The following RAB27B variants were observed in gnomAD, a reference collection of about 807,000 sequenced individuals.
RAB27B encodes ras-related protein Rab-27B.
Under a neutral mutation model 24.6 loss-of-function variants are expected in RAB27B, and 15 were observed. That is an observed-to-expected ratio of 0.61 (90% CI 0.41 to 0.94). RAB27B has a LOEUF of 0.94. Among genes scored for constraint, RAB27B ranks in the 40% least tolerant of loss-of-function variants. RAB27B has a pLI of 0.00. For missense variants in RAB27B, 261 were observed against 266.8 expected, an observed-to-expected ratio of 0.98 and a Z score of 0.15; for synonymous variants, 105 against 92.5, an observed-to-expected ratio of 1.14 and a Z score of -0.78.
intron 2 of RAB27B, among the ~76,000 whole-genome samples, chr18:54,743,289 C>G (rs1392883108): frequency 2.0e-5 from 3 of 152,156 alleles, no homozygotes; most frequent in Non-Finnish European, 4.4e-5. Flanking sequence ...TGGTGGTATT[C>G]TATTATTCAT....
rs912167744 is a variant in RAB27B, at chr18:54,725,484, G to A, written c.-20+7343G>A. On this transcript the variant is annotated intron_variant, in intron 2 of 4. Transcript: ENST00000586570. ...TAGGAGTTGTGTAAGTTCTTTAAAAGGTAATGTTTGTTGCCTGTATTAGTG... is the reference window on the plus strand; with the variant it reads ...TAGGAGTTGTGTAAGTTCTTTAAAAAGTAATGTTTGTTGCCTGTATTAGTG... Among the ~76,000 whole-genome samples, 3 of 151,452 alleles carry A rather than the reference G, an allele frequency of 2.0e-5. 1 individual carries two copies. The highest frequency in any genetic ancestry group is 7.3e-5 in the African/African-American group (3 of 41,290).
chr18:54,884,424 A>G lies in RAB27B; in HGVS notation c.331A>G (p.Arg111Gly). The part of the protein sequence containing the change: ...LTSQQSFLNV[R>G]NWMSQLQANA... The stretch of plus-strand genomic sequence containing the variant: ...CAGTCAACAGAGCTTCTTAAATGTC[A>G]GAAACTGGATGAGTAAGTGGGACTG... The change falls in exon 4 of 6, where the codon AGA becomes GGA. Residue 111 changes from arginine to glycine, a missense_variant. Coordinates refer to ENST00000262094, the MANE Select transcript of RAB27B (RefSeq NM_004163.4). The G allele has an allele frequency of 6.2e-7, 1 of 1,606,316 alleles. No individual in the cohort carries two copies. Among genetic ancestry groups the G allele is most frequent in the African/African-American group, 1.3e-5 (1 of 74,782 alleles).
At chr18:54,864,918 G>A (rs1489814051) in intron 1 of RAB27B, among the ~76,000 whole-genome samples, 2 of 152,074 alleles carry the variant, frequency 1.3e-5, no homozygotes, top group Non-Finnish European at 2.9e-5. Context: ...TTTAGGATCA[G>A]CTTGTGATTT....
intron 1 of RAB27B, among the ~76,000 whole-genome samples, chr18:54,864,945 A>C (rs1346397052): frequency 6.6e-6 from 1 of 152,136 alleles, no homozygotes; most frequent in African/African-American, 2.4e-5. Flanking sequence ...AAAGGCAAGT[A>C]GATTTTGAGA....
intron 2 of RAB27B, among the ~76,000 whole-genome samples, chr18:54,801,778 T>C (rs926895818): frequency 6.6e-6 from 1 of 152,214 alleles, no homozygotes; most frequent in African/African-American, 2.4e-5. Context: ...TGAGAACCAC[T>C]GCCTTAAGAT....
chr18:54,834,687 G>A (rs1182429775), intron 1 of RAB27B, among the ~76,000 whole-genome samples: 5 of 151,880 alleles, frequency 3.3e-5, no homozygotes, highest in East Asian at 1.9e-4. Context: ...ATATATGTGT[G>A]TGTGTGTGTG....
chr18:54,777,543 G>A (rs1386734978), intron 2 of RAB27B, among the ~76,000 whole-genome samples: 1 of 152,206 alleles, frequency 6.6e-6, no homozygotes, highest in Non-Finnish European at 1.5e-5. Context: ...GATGTGTGGA[G>A]CAGCATGGAA....
At chr18:54,876,840 ACTGGGTTTT>A (rs1488707508) in intron 1 of RAB27B, among the ~76,000 whole-genome samples, 1 of 151,998 alleles carries the variant, frequency 6.6e-6, no homozygotes, top group Non-Finnish European at 1.5e-5. Context: ...ATCGTCTTGG[ACTGGGTTTT>A]CTGTTCCCTG....
At chr18:54,866,401 C>T (rs1912228780) in intron 1 of RAB27B, among the ~76,000 whole-genome samples, 1 of 152,218 alleles carries the variant, frequency 6.6e-6, no homozygotes, top group Admixed American at 6.5e-5. Flanking sequence ...TTTCAAGCGA[C>T]TCTCCTGCCT....
At chr18:54,793,096 GT>G (rs5825089) in intron 2 of RAB27B, among the ~76,000 whole-genome samples, 128,626 of 147,784 alleles carry the variant, frequency 0.87, 56,665 homozygotes, top group East Asian at 0.99. Flanking sequence ...ATCAACTGTA[GT>G]TTTTTTTTTT....
chr18:54,762,609 A>C (rs1908226910), intron 2 of RAB27B, among the ~76,000 whole-genome samples: 1 of 152,164 alleles, frequency 6.6e-6, no homozygotes, highest in African/African-American at 2.4e-5. Context: ...TCTTGGGAGT[A>C]TCTTTCCTTC....
At chr18:54,725,255 T>C (rs530731489) in intron 2 of RAB27B, among the ~76,000 whole-genome samples, 2 of 151,640 alleles carry the variant, frequency 1.3e-5, no homozygotes, top group Non-Finnish European at 1.5e-5. Flanking sequence ...TGTAAAGCAC[T>C]GAAAACAATA....
At chr18:54,794,466 G>C (rs1909351141) in intron 2 of RAB27B, among the ~76,000 whole-genome samples, 2 of 152,180 alleles carry the variant, frequency 1.3e-5, no homozygotes, top group African/African-American at 4.8e-5. Flanking sequence ...AGCTCTTACA[G>C]CGTAAAAACA....
intron 2 of RAB27B, among the ~76,000 whole-genome samples, chr18:54,770,138 C>A (rs950000327): frequency 1.3e-5 from 2 of 152,168 alleles, no homozygotes; most frequent in Non-Finnish European, 2.9e-5. Context: ...AGCCACCACA[C>A]CCAGCCATCA....
chr18:54,806,370 C>T lies in RAB27B; in HGVS notation c.-19-71197C>T, dbSNP rs577761552. 9.9e-5 allele frequency among the ~76,000 whole-genome samples: 15 copies of T among 151,398 alleles called. No individual in the cohort carries two copies. In the South Asian group the frequency reaches 1.9e-3, roughly 19 times the overall value. On this transcript the variant is annotated intron_variant, in intron 2 of 4. Transcript: ENST00000586570. ...GTATGGGAAGCATAGGAGACTGGTTCGAGGAGCAGTCTCTCTTTTTATATC... is the reference window on the plus strand; with the variant it reads ...GTATGGGAAGCATAGGAGACTGGTTTGAGGAGCAGTCTCTCTTTTTATATC...
intron 2 of RAB27B, among the ~76,000 whole-genome samples, chr18:54,780,688 A>C (rs1391491494): frequency 6.6e-6 from 1 of 152,206 alleles, no homozygotes; most frequent in African/African-American, 2.4e-5. Flanking sequence ...ATATGGTCAT[A>C]TTCTGAGATA....
chr18:54,813,810 A>G (rs575583621), intron 2 of RAB27B, among the ~76,000 whole-genome samples: 5 of 152,312 alleles, frequency 3.3e-5, no homozygotes, highest in South Asian at 2.1e-4. Flanking sequence ...AGCGATATCT[A>G]TACTTCAACA....
chr18:54,867,271 A>G (rs1310173200), intron 1 of RAB27B, among the ~76,000 whole-genome samples: 1 of 152,042 alleles, frequency 6.6e-6, no homozygotes, highest in East Asian at 1.9e-4. Context: ...AGATTGAGCC[A>G]ATTAGGTGTG....
intron 2 of RAB27B, among the ~76,000 whole-genome samples, chr18:54,774,848 T>G (rs1346589100): frequency 6.6e-6 from 1 of 152,240 alleles, no homozygotes; most frequent in Admixed American, 6.5e-5. Context: ...AGCTGATGTT[T>G]ATTTGTATAT....
Sources: allele counts gnomAD v4.1 joint callset (sites outside exome capture counted in the v4.1 genomes callset), GRCh38; gene constraint gnomAD v4.1.1; transcripts MANE v1.5; gene names NCBI Gene and HGNC (gene_info 2026-07-23, HGNC 2026-07-21).